The following LPIN1 variants were observed in gnomAD, a reference collection of about 807,000 sequenced individuals.
The protein encoded by LPIN1 is lipin 1, also known as phosphatidate phosphatase LPIN1.
In LPIN1, 71 loss-of-function variants were observed where a neutral mutation model predicts 107.5. The ratio of observed to expected loss-of-function variants is 0.66; its 90% CI spans 0.55 to 0.80. LPIN1 has a LOEUF of 0.80. Ranked by LOEUF, LPIN1 falls within the 30% of genes least tolerant of loss-of-function variation. The pLI, the probability that LPIN1 is intolerant of heterozygous loss-of-function variation, is 0.00. For missense variants in LPIN1, 1,043 were observed against 1,160.6 expected (o/e 0.90, Z 1.47); for synonymous variants, 445 against 452.6 (o/e 0.98, Z 0.21).
intron 14 of LPIN1, among the ~76,000 whole-genome samples, chr2:11,797,512 T>C (rs1339359097): frequency 1.3e-5 from 2 of 152,246 alleles, no homozygotes; most frequent in African/African-American, 4.8e-5. Context: ...GGAGCCCACC[T>C]CTTACATTAG....
At position 11,786,921 on chromosome 2, in the gene LPIN1, G is replaced by A. The variant is rs541832922; in HGVS notation, c.1550-153G>A. The A allele has an allele frequency of 8.8e-6, 6 of 680,942 alleles. No individual in the cohort carries two copies. Among genetic ancestry groups the A allele is most frequent in the East Asian group, 2.7e-5 (1 of 36,392 alleles). The allele number at this position is 680,942 out of a possible 1,614,324, so 42.2% of individuals were successfully genotyped here. A position where few individuals can be genotyped will look rare whatever the true frequency, so the allele number is the denominator to read the frequency against. ...CGCCGCCTTCCAGGTAAAATGGTGC[G>A]GCCTTTACAAATACATTTTATAGGA... On this transcript the variant is annotated intron_variant, in intron 10 of 20. Coordinates refer to ENST00000674199, the MANE Select transcript of LPIN1 (RefSeq NM_001349206.2). The surrounding 1 kb of genome is among the most constrained non-coding windows in gnomAD (Gnocchi z 4.1).
intron 8 of LPIN1, 137 bp from the exon 9 acceptor site, chr2:11,783,692 C>A: frequency 1.3e-6 from 1 of 782,084 alleles, no homozygotes; most frequent in Non-Finnish European, 2.3e-6. Context: ...ACACTTGGAA[C>A]TGTTGTGGTT....
At chr2:11,781,787 A>AC (rs1304533092) in intron 7 of LPIN1, among the ~76,000 whole-genome samples, 1 of 152,050 alleles carries the variant, frequency 6.6e-6, no homozygotes, top group African/African-American at 2.4e-5. Flanking sequence ...GCTCAGACTG[A>AC]CCCCTCTGCT....
At chr2:11,729,332 A>T (rs1392341907) in intron 1 of LPIN1, among the ~76,000 whole-genome samples, 3 of 152,144 alleles carry the variant, frequency 2.0e-5, no homozygotes, top group African/African-American at 7.2e-5. Flanking sequence ...AAGTGGAAAA[A>T]AGTATAATTT....
intron 17 of LPIN1, among the ~76,000 whole-genome samples, chr2:11,807,686 A>G (rs1008265782): frequency 6.6e-6 from 1 of 152,198 alleles, no homozygotes; most frequent in Non-Finnish European, 1.5e-5. Context: ...TGCCCGGAGC[A>G]TGATGTGACG....
chr2:11,730,849 C>T (rs1489087530), intron 1 of LPIN1, among the ~76,000 whole-genome samples: 1 of 152,186 alleles, frequency 6.6e-6, no homozygotes, highest in Non-Finnish European at 1.5e-5. Flanking sequence ...TTTGGACCTA[C>T]CCTCTGCACT....
chr2:11,709,088 A>G (rs1166336887), intron 1 of LPIN1, among the ~76,000 whole-genome samples: 6 of 152,150 alleles, frequency 3.9e-5, no homozygotes. Context: ...CATGCTGGGG[A>G]CCACAAGTGG....
Position 11,782,201 on chromosome 2 carries a change from T to C in LPIN1, c.958T>C (p.Ser320Pro). Reference sequence around the variant, plus strand: ...TGTCCCTCTCTCCTCTTTGCTCTAGTCTTCTTCTCCACACAAGATGAAAGA... The same window carrying C: ...TGTCCCTCTCTCCTCTTTGCTCTAGCCTTCTTCTCCACACAAGATGAAAGA... ...LWGELPQAAK[S>P]SSPHKMKESS... Residue 320 changes from serine to proline, a missense_variant and splice_region_variant, in exon 8 of 21, where the codon TCT (serine) becomes CCT (proline). Ser to Pro is a moderately conservative substitution (Grantham distance 74). Coordinates refer to ENST00000674199, the MANE Select transcript of LPIN1 (RefSeq NM_001349206.2). 6.2e-7 allele frequency: 1 copy of C among 1,607,222 alleles called. No individual in the cohort carries two copies. The highest frequency in any genetic ancestry group is 2.2e-5 in the East Asian group (1 of 44,882).
At chr2:11,710,162 A>C (rs1238627375) in intron 1 of LPIN1, among the ~76,000 whole-genome samples, 1 of 152,116 alleles carries the variant, frequency 6.6e-6, no homozygotes. Flanking sequence ...CCAATTTCTG[A>C]AGGCTCCATC....
chr2:11,760,526 C>G (rs1490402602), intron 1 of LPIN1, among the ~76,000 whole-genome samples: 2 of 152,192 alleles, frequency 1.3e-5, no homozygotes, highest in African/African-American at 2.4e-5. Context: ...CCAAAAAATA[C>G]GAAAACCAGT....
chr2:11,710,453 C>T (rs185490683), intron 1 of LPIN1, among the ~76,000 whole-genome samples: 14 of 151,868 alleles, frequency 9.2e-5, no homozygotes, highest in Admixed American at 5.9e-4. Flanking sequence ...AGCCAATGCA[C>T]TGAACAAGGA....
At chr2:11,690,235 G>A (rs568507864) in intron 1 of LPIN1, among the ~76,000 whole-genome samples, 4 of 152,082 alleles carry the variant, frequency 2.6e-5, no homozygotes, top group Non-Finnish European at 2.9e-5. Context: ...ACTGTCTATG[G>A]AAGACAAATT....
upstream of LPIN1, among the ~76,000 whole-genome samples, chr2:11,720,120 C>T (rs560818689): frequency 6.6e-6 from 1 of 152,228 alleles, no homozygotes; most frequent in South Asian, 2.1e-4. Context: ...TAATTGTTTA[C>T]CCCTACTGTG....
At chr2:11,768,719 G>A (rs1184330835) in intron 3 of LPIN1, among the ~76,000 whole-genome samples, 2 of 152,108 alleles carry the variant, frequency 1.3e-5, no homozygotes, top group African/African-American at 2.4e-5. Context: ...GGCGGATCAC[G>A]AGGTCAGGAG....
At position 11,765,600 on chromosome 2, in the gene LPIN1, A is replaced by G. The variant is rs1381937847; in HGVS notation, c.59A>G (p.Lys20Arg). Residue 20 changes from lysine (K) to arginine (R), a missense_variant, in exon 2 of 21, where the codon AAG (lysine) becomes AGG (arginine). Transcript: ENST00000674199. This position sits in a 1 kb window ranked among gnomAD's most constrained non-coding sequence, Gnocchi z 4.4. ...QVFVTVKELY[K>R]GLNPATLSGC... ...TTTGTCACCGTGAAGGAGCTCTACA[A>G]GGGGCTGAATCCCGCCACACTCTCA... The G allele has an allele frequency of 6.2e-7, 1 of 1,614,108 alleles. No individual in the cohort carries two copies. Among genetic ancestry groups the G allele is most frequent in the South Asian group, 1.1e-5 (1 of 91,078 alleles).
At chr2:11,820,370 C>G (rs747471714) in intron 19 of LPIN1, 41 bp from the exon 20 acceptor site, 6 of 1,342,000 alleles carry the variant, frequency 4.5e-6, no homozygotes, top group Admixed American at 3.4e-5. Context: ...ACAATGAACT[C>G]TTTTCTAATG....
At chr2:11,699,527 G>A (rs1441090738) in intron 1 of LPIN1, among the ~76,000 whole-genome samples, 1 of 152,058 alleles carries the variant, frequency 6.6e-6, no homozygotes, top group Non-Finnish European at 1.5e-5. Flanking sequence ...AGTCATGGGA[G>A]CACCTTTCCT....
chr2:11,816,039 A>G (rs1327063929), intron 18 of LPIN1: 1 of 152,212 alleles, frequency 6.6e-6, no homozygotes, highest in Non-Finnish European at 1.5e-5. Flanking sequence ...TATGAATGTC[A>G]TTGACGTGAT....
At chr2:11,805,007 T>C in intron 16 of LPIN1, 63 bp from the exon 17 acceptor site, 1 of 944,718 alleles carries the variant, frequency 1.1e-6, no homozygotes, top group South Asian at 1.3e-5. Context: ...TTATGAGGCA[T>C]GAATGGTGCA....
Sources: gnomAD v4.1 joint callset for allele counts (sites outside exome capture counted in the v4.1 genomes callset) on GRCh38, gnomAD v4.1.1 for gene constraint, Gnocchi (gnomAD v3.1) non-coding constraint, MANE v1.5 for transcripts, NCBI Gene and HGNC (gene_info 2026-07-23, HGNC 2026-07-21) for gene names.